Variants in RAPGEF4 observed in about 807,000 individuals in gnomAD.
RAPGEF4 encodes the protein RAP guanine-nucleotide-exchange factor (GEF) 4.
RAPGEF4 carries 66 observed loss-of-function variants against 147.9 expected under a neutral mutation model. That is an observed-to-expected ratio of 0.45 (90% CI 0.37 to 0.55). RAPGEF4 has a LOEUF of 0.55. Ranked by LOEUF, RAPGEF4 falls within the 20% of genes least tolerant of loss-of-function variation. RAPGEF4 has a pLI of 0.00. For synonymous variants in RAPGEF4, 419 were observed against 442.7 expected, an observed-to-expected ratio of 0.95 and a Z score of 0.67; for missense variants, 1,071 against 1,257.3, an observed-to-expected ratio of 0.85 and a Z score of 2.24.
chr2:172,836,549 G>A (rs1690954816), intron 4 of RAPGEF4, among the ~76,000 whole-genome samples: 1 of 152,186 alleles, frequency 6.6e-6, no homozygotes, highest in Non-Finnish European at 1.5e-5. Flanking sequence ...ATTGTCCTGA[G>A]GTGTGGCGTC....
chr2:173,032,884 C>A (rs1478187068), intron 26 of RAPGEF4, among the ~76,000 whole-genome samples: 1 of 152,236 alleles, frequency 6.6e-6, no homozygotes, highest in Non-Finnish European at 1.5e-5. Context: ...TTCAAAGCCT[C>A]CTCCCAGATG....
intron 4 of RAPGEF4, among the ~76,000 whole-genome samples, chr2:172,829,588 C>G (rs1031197189): frequency 1.3e-5 from 2 of 152,094 alleles, no homozygotes; most frequent in Non-Finnish European, 2.9e-5. Flanking sequence ...GTGCCAGAAA[C>G]TATTCTTATC....
Position 173,052,530 on chromosome 2 carries a change from A to G in RAPGEF4, c.*763A>G, listed in dbSNP as rs1328245559. 6.6e-6 allele frequency: 1 copy of G among 152,652 alleles called. No individual in the cohort carries two copies. The highest frequency in any genetic ancestry group is 1.5e-5 in the Non-Finnish European group (1 of 68,036). 9.5% of individuals were successfully genotyped at this position (152,652 alleles called of 1,614,324 possible). On this transcript the variant is annotated 3_prime_UTR_variant, in exon 31 of 31. Coordinates refer to ENST00000397081, the MANE Select transcript of RAPGEF4 (RefSeq NM_007023.4). The stretch of plus-strand genomic sequence containing the variant: ...ACAATATGCATAAAACATTTTTCAA[A>G]ATTGAAATATTTTCCTGGGCATTAA...
chr2:172,949,726 T>G (rs1297358687), intron 6 of RAPGEF4, among the ~76,000 whole-genome samples: 2 of 152,364 alleles, frequency 1.3e-5, no homozygotes, highest in East Asian at 1.9e-4. Flanking sequence ...TCCTTTGAAC[T>G]CTGACAAATC....
intron 10 of RAPGEF4, among the ~76,000 whole-genome samples, chr2:172,979,534 G>A (rs1691453197): frequency 6.6e-6 from 1 of 152,162 alleles, no homozygotes; most frequent in Non-Finnish European, 1.5e-5. Flanking sequence ...TAGATCAGTT[G>A]AGCAACTAGG....
intron 5 of RAPGEF4, 89 bp downstream of exon 5, chr2:172,917,963 T>C: frequency 4.6e-6 from 5 of 1,097,096 alleles, no homozygotes; most frequent in Non-Finnish European, 2.8e-6. Flanking sequence ...TACACCAGCT[T>C]GTCAGAGTAA....
intron 4 of RAPGEF4, chr2:172,889,795 C>G: frequency 1.0e-6 from 1 of 975,748 alleles, no homozygotes; most frequent in Non-Finnish European, 1.2e-6. Context: ...TTGTAAGATT[C>G]TAGTCAATGT....
At chr2:172,981,300 C>A (rs1559160829) in intron 10 of RAPGEF4, among the ~76,000 whole-genome samples, 1 of 152,256 alleles carries the variant, frequency 6.6e-6, no homozygotes, top group Non-Finnish European at 1.5e-5. Context: ...TACCTTGAGA[C>A]TTTCGCATTA....
chr2:172,893,353 C>T (rs1698138717), intron 4 of RAPGEF4, among the ~76,000 whole-genome samples: 2 of 152,188 alleles, frequency 1.3e-5, no homozygotes, highest in African/African-American at 4.8e-5. Context: ...AACTTAGAAT[C>T]AGGAGATGAA....
chr2:172,817,926 A>G (rs1392363737), intron 4 of RAPGEF4, among the ~76,000 whole-genome samples: 1 of 147,346 alleles, frequency 6.8e-6, no homozygotes, highest in Non-Finnish European at 1.5e-5. Context: ...TAATATACAT[A>G]TTACAATTAT....
intron 2 of RAPGEF4, among the ~76,000 whole-genome samples, chr2:172,795,745 ATTAC>A (rs1403631282): frequency 6.6e-6 from 1 of 152,352 alleles, no homozygotes; most frequent in South Asian, 2.1e-4. Flanking sequence ...AAAAAAATCA[ATTAC>A]TTATACAGAA....
intron 1 of RAPGEF4, among the ~76,000 whole-genome samples, chr2:172,760,087 A>G (rs1226451522): frequency 6.6e-6 from 1 of 152,240 alleles, no homozygotes; most frequent in Non-Finnish European, 1.5e-5. Context: ...CCATAAAACA[A>G]GGAAAATAGA....
chr2:172,888,279 G>A (rs564464795), intron 4 of RAPGEF4, among the ~76,000 whole-genome samples: 2 of 152,294 alleles, frequency 1.3e-5, no homozygotes, highest in East Asian at 3.9e-4. Context: ...CTCCCAGATG[G>A]GGAAAAAATC....
At chr2:172,959,865 G>T (rs906168630) in intron 6 of RAPGEF4, among the ~76,000 whole-genome samples, 1 of 152,184 alleles carries the variant, frequency 6.6e-6, no homozygotes, top group Admixed American at 6.5e-5. Context: ...CAAGGCAGGA[G>T]GGTCCCTTGA....
At chr2:172,985,051 T>A (rs796634362) in intron 11 of RAPGEF4, among the ~76,000 whole-genome samples, 17 of 152,308 alleles carry the variant, frequency 1.1e-4, no homozygotes, top group African/African-American at 3.9e-4. Flanking sequence ...CATGATGCAT[T>A]ATATGTAATG....
At chr2:173,049,936 G>A (rs1223538570) in intron 30 of RAPGEF4, among the ~76,000 whole-genome samples, 1 of 152,212 alleles carries the variant, frequency 6.6e-6, no homozygotes. Flanking sequence ...CAGCAGCGGG[G>A]ATAAAAGGGG....
intron 1 of RAPGEF4, among the ~76,000 whole-genome samples, chr2:172,790,291 T>C (rs1685670687): frequency 6.6e-6 from 1 of 152,182 alleles, no homozygotes; most frequent in Non-Finnish European, 1.5e-5. Context: ...ATTTCTTAAT[T>C]AGATATTAAT....
chr2:172,967,494 G>C, intron 10 of RAPGEF4, 50 bp downstream of exon 10: 2 of 1,554,546 alleles, frequency 1.3e-6, no homozygotes, highest in Non-Finnish European at 1.7e-6. Context: ...GCCGCCTAGT[G>C]CATAGACATA....
chr2:172,903,554 G>A, intron 4 of RAPGEF4, among the ~76,000 whole-genome samples: 1 of 150,662 alleles, frequency 6.6e-6, no homozygotes. Context: ...AAAAAAAAAA[G>A]TTTCTAAAGA....
Sources: allele counts gnomAD v4.1 joint callset (sites outside exome capture counted in the v4.1 genomes callset), GRCh38; gene constraint gnomAD v4.1.1; transcripts MANE v1.5; gene names NCBI Gene and HGNC (gene_info 2026-07-23, HGNC 2026-07-21).